Variants in EFNA5 observed in about 807,000 individuals in gnomAD.
The protein encoded by EFNA5 is ephrin-A5.
A neutral mutation model predicts 22.9 loss-of-function variants in EFNA5; 5 were observed. That is an observed-to-expected ratio of 0.22 (90% CI 0.11 to 0.46). The LOEUF is 0.46. EFNA5 is among the 20% of genes least tolerant of loss of function. The pLI is 0.99. For synonymous variants in EFNA5, 113 were observed against 112.2 expected (o/e 1.01, Z -0.04); for missense variants, 237 against 293.3 (o/e 0.81, Z 1.40).
At chr5:107,477,369 A>G (rs984202138) in intron 1 of EFNA5, among the ~76,000 whole-genome samples, 1 of 152,208 alleles carries the variant, frequency 6.6e-6, no homozygotes, top group Non-Finnish European at 1.5e-5. Flanking sequence ...AGAAACTCTT[A>G]TCTTTCTGGA....
chr5:107,601,437 G>GT (rs1469965531), intron 1 of EFNA5, among the ~76,000 whole-genome samples: 1 of 152,116 alleles, frequency 6.6e-6, no homozygotes, highest in African/African-American at 2.4e-5. Context: ...GACTGTAGAA[G>GT]TAAGTGTAAC....
chr5:107,428,277 TCCC>T (rs961882744), intron 1 of EFNA5, among the ~76,000 whole-genome samples: 15 of 152,164 alleles, frequency 9.9e-5, no homozygotes, highest in African/African-American at 3.6e-4. Context: ...AAATGGCTCT[TCCC>T]CTCATTTCTT....
chr5:107,550,362 C>T (rs893004796), intron 1 of EFNA5, among the ~76,000 whole-genome samples: 1 of 151,910 alleles, frequency 6.6e-6, no homozygotes, highest in African/African-American at 2.4e-5. Context: ...TAAGTGTTTC[C>T]TCATCTTTAT....
chr5:107,491,427 T>A (rs1371958251), intron 1 of EFNA5, among the ~76,000 whole-genome samples: 1 of 152,188 alleles, frequency 6.6e-6, no homozygotes, highest in African/African-American at 2.4e-5. Flanking sequence ...TTCTCCTGCC[T>A]CAGCATCCTG....
chr5:107,617,237 C>CACAGAG (rs1385888674), intron 1 of EFNA5, among the ~76,000 whole-genome samples: 308 of 144,544 alleles, frequency 2.1e-3, no homozygotes, highest in African/African-American at 5.3e-3. Flanking sequence ...CACACACACA[C>CACAGAG]AGAGAGAGAG....
intron 1 of EFNA5, among the ~76,000 whole-genome samples, chr5:107,539,808 GACTCTATGGTTATTTA>G (rs1328241621): frequency 1.3e-5 from 2 of 152,122 alleles, no homozygotes; most frequent in Admixed American, 6.5e-5. Flanking sequence ...TACCATTGGT[GACTCTATGGTTATTTA>G]ACTCTATGGT....
At chr5:107,435,452 C>T (rs973343403) in intron 1 of EFNA5, among the ~76,000 whole-genome samples, 1 of 149,228 alleles carries the variant, frequency 6.7e-6, no homozygotes, top group Non-Finnish European at 1.5e-5. Flanking sequence ...TTTTAAATTT[C>T]TCTTCTCTCT....
chr5:107,452,690 G>C (rs1308221676), intron 1 of EFNA5, among the ~76,000 whole-genome samples: 1 of 152,194 alleles, frequency 6.6e-6, no homozygotes, highest in Non-Finnish European at 1.5e-5. Flanking sequence ...TTGAGCCACT[G>C]TACTTACTCC....
At chr5:107,601,174 C>T (rs988302708) in intron 1 of EFNA5, among the ~76,000 whole-genome samples, 2 of 152,164 alleles carry the variant, frequency 1.3e-5, no homozygotes, top group African/African-American at 4.8e-5. Context: ...CATATTATTA[C>T]TAGAAATCAG....
chr5:107,500,440 CT>C (rs1193464742), intron 1 of EFNA5, among the ~76,000 whole-genome samples: 1 of 152,220 alleles, frequency 6.6e-6, no homozygotes, highest in Non-Finnish European at 1.5e-5. Context: ...CCTAGTCCCA[CT>C]GTAAGCTTCA....
chr5:107,426,995 A>G, intron 2 of EFNA5: 1 of 534,324 alleles, frequency 1.9e-6, no homozygotes, highest in Non-Finnish European at 3.3e-6. Flanking sequence ...GGTTCAGTGA[A>G]CAGGCTGACA....
chr5:107,520,305 A>G (rs377117639), intron 1 of EFNA5, among the ~76,000 whole-genome samples: 1 of 152,232 alleles, frequency 6.6e-6, no homozygotes, highest in South Asian at 2.1e-4. Context: ...TAAGAGTGAG[A>G]AAAGGGTGGG....
intron 1 of EFNA5, among the ~76,000 whole-genome samples, chr5:107,466,318 C>G (rs1160919406): frequency 6.6e-6 from 1 of 152,064 alleles, no homozygotes; most frequent in African/African-American, 2.4e-5. Context: ...CTATGCTTTG[C>G]AGAGATAATA....
In EFNA5 at chr5:107,585,515, A is replaced by G. The variant is rs1457425486; in HGVS notation, c.125+84974T>C. Among the ~76,000 whole-genome samples, 3 of 152,224 alleles carry G rather than the reference A, an allele frequency of 2.0e-5. No homozygotes were observed. In the East Asian group the frequency reaches 5.8e-4, roughly 29 times the overall value. ...AATTCTAAACAATATTAGGCCATAT[A>G]GAGAAATAGAAAAACCTGTGAATAG... On this transcript the variant is annotated intron_variant, in intron 1 of 4. Coordinates refer to ENST00000333274, the MANE Select transcript of EFNA5 (RefSeq NM_001962.3).
Position 107,507,117 on chromosome 5 carries a change from T to TA in EFNA5, c.126-79609dup, listed in dbSNP as rs796785219. Reference sequence around the variant, plus strand: ...TCTTATATAATATGATCTGTCAAAATAAAAAAAAACTTTTGTTCAAAAATA... The same window carrying TA: ...TCTTATATAATATGATCTGTCAAAATAAAAAAAAAACTTTTGTTCAAAAATA... On this transcript the variant is annotated intron_variant, in intron 1 of 4. Transcript: ENST00000333274. Among the ~76,000 whole-genome samples, 360 of 151,292 alleles carry TA rather than the reference T, an allele frequency of 2.4e-3. 3 individuals are homozygous for TA. Among genetic ancestry groups the TA allele is most frequent in the African/African-American group, 7.0e-3 (291 of 41,304 alleles).
intron 1 of EFNA5, among the ~76,000 whole-genome samples, chr5:107,533,281 G>A (rs780671056): frequency 6.6e-6 from 1 of 152,114 alleles, no homozygotes; most frequent in Non-Finnish European, 1.5e-5. Flanking sequence ...TCAGGTGTGA[G>A]AGAGTTAATC....
intron 1 of EFNA5, among the ~76,000 whole-genome samples, chr5:107,555,681 G>A (rs1053930721): frequency 5.3e-5 from 8 of 152,140 alleles, no homozygotes; most frequent in South Asian, 2.1e-4. Flanking sequence ...TTCTATAATC[G>A]TAGTGTATAT....
intron 1 of EFNA5, among the ~76,000 whole-genome samples, chr5:107,660,225 G>A (rs1363926647): frequency 7.5e-6 from 1 of 133,668 alleles, no homozygotes; most frequent in African/African-American, 2.8e-5. Flanking sequence ...TGGGAACACT[G>A]CCAGAAAAAG....
At chr5:107,660,911 C>T (rs1362882552) in intron 1 of EFNA5, among the ~76,000 whole-genome samples, 4 of 151,956 alleles carry the variant, frequency 2.6e-5, no homozygotes, top group East Asian at 3.9e-4. Flanking sequence ...TTTTAATAAA[C>T]GGAGCTCCCG....
Sources: allele counts gnomAD v4.1 joint callset (sites outside exome capture counted in the v4.1 genomes callset), GRCh38; gene constraint gnomAD v4.1.1; transcripts MANE v1.5; gene names NCBI Gene and HGNC (gene_info 2026-07-23, HGNC 2026-07-21).